Variants in MITF observed in about 807,000 individuals in gnomAD.
MITF encodes the protein melanocyte inducing transcription factor.
MITF carries 17 observed loss-of-function variants against 60.5 expected under a neutral mutation model. The ratio of observed to expected loss-of-function variants is 0.28; its 90% CI spans 0.19 to 0.42. The LOEUF (loss-of-function observed/expected upper bound fraction) is 0.42. MITF is among the 10% of genes least tolerant of loss of function. MITF has a pLI of 1.00. For missense variants in MITF, 622 were observed against 683.5 expected, an observed-to-expected ratio of 0.91 and a Z score of 1.00; for synonymous variants, 260 against 248.5, an observed-to-expected ratio of 1.05 and a Z score of -0.43.
intron 1 of MITF, among the ~76,000 whole-genome samples, chr3:69,847,163 T>G (rs191748458): frequency 9.2e-5 from 14 of 152,234 alleles, no homozygotes; most frequent in Admixed American, 7.8e-4. Flanking sequence ...AGTGCAAGGA[T>G]TGTGTCTTAG....
intron 5 of MITF, among the ~76,000 whole-genome samples, chr3:69,944,830 T>A (rs756599211): frequency 3.9e-5 from 6 of 152,166 alleles, no homozygotes; most frequent in Non-Finnish European, 7.4e-5. Flanking sequence ...GCTCTTATTC[T>A]TGATGAACTT....
At chr3:69,935,921 T>G (rs1235032981) in intron 2 of MITF, among the ~76,000 whole-genome samples, 1 of 152,206 alleles carries the variant, frequency 6.6e-6, no homozygotes, top group African/African-American at 2.4e-5. Context: ...GAATAATATG[T>G]AAAAATTCTC....
chr3:69,771,349 G>C (rs900483748), intron 1 of MITF, among the ~76,000 whole-genome samples: 1 of 151,854 alleles, frequency 6.6e-6, no homozygotes, highest in Non-Finnish European at 1.5e-5. Context: ...CTTGTCAGGC[G>C]CTCTGACTTT....
At chr3:69,805,467 T>C (rs2062989672) in intron 1 of MITF, among the ~76,000 whole-genome samples, 1 of 41,870 alleles carries the variant, frequency 2.4e-5, no homozygotes, top group Admixed American at 2.0e-4. Context: ...GTTTCTTGGG[T>C]TTTTTTGCAG....
At chr3:69,741,387 C>T (rs1439659268) in intron 1 of MITF, among the ~76,000 whole-genome samples, 2 of 152,094 alleles carry the variant, frequency 1.3e-5, no homozygotes, top group East Asian at 3.9e-4. Context: ...ATTAACCGGA[C>T]TGTTTGGAAC....
intron 8 of MITF, among the ~76,000 whole-genome samples, 193 bp from the exon 9 acceptor site, chr3:69,959,080 G>T (rs1277415301): frequency 6.6e-6 from 1 of 151,990 alleles, no homozygotes; most frequent in Non-Finnish European, 1.5e-5. Flanking sequence ...GGCTTGGGTG[G>T]TGGGTGTACC....
chr3:69,762,261 G>A (rs1276878320), intron 1 of MITF, among the ~76,000 whole-genome samples: 1 of 152,092 alleles, frequency 6.6e-6, no homozygotes, highest in Non-Finnish European at 1.5e-5. Flanking sequence ...ATATTTAGTG[G>A]GTTCTATCAG....
chr3:69,959,273 A>G lies in MITF; in HGVS notation c.1032A>G (p.Pro344=), dbSNP rs1486081167. 3 of 1,613,970 alleles carry G rather than the reference A, an allele frequency of 1.9e-6. No homozygotes were observed. The Admixed American group carries it at 5.0e-5, about 27-fold the overall frequency. Residue 344 remains proline (P), a splice_region_variant and synonymous_variant, in exon 9 of 10, where the codon CCA becomes CCG. Transcript: ENST00000352241. The part of the protein sequence containing the change: ...LGTLIPKSND[P]DMRWNKGTIL... ...CTGTTTTCCTCCATTTTCATCGCAG[A>G]GACATGCGCTGGAACAAGGGAACCA...
intron 1 of MITF, among the ~76,000 whole-genome samples, chr3:69,824,732 G>A (rs1417346405): frequency 1.3e-5 from 2 of 152,176 alleles, no homozygotes. Flanking sequence ...CCCCTGCAGT[G>A]CATAGTGGCC....
rs114888054 is a variant in MITF, at chr3:69,742,427, C to T, written c.104+2726C>T. Among the ~76,000 whole-genome samples the T allele has an allele frequency of 8.1e-3, 1,237 of 152,254 alleles. 14 individuals are homozygous for T. The highest frequency in any genetic ancestry group is 0.028 in the African/African-American group (1,180 of 41,552). On this transcript the variant is annotated intron_variant, in intron 1 of 9. Coordinates refer to ENST00000352241, the MANE Select transcript of MITF (RefSeq NM_001354604.2). Reference sequence around the variant, plus strand: ...AAGTCAGATCCTGTCATTCTCTGCCCAGAACCTGCCCATGGCTCCTAATTT... The same window carrying T: ...AAGTCAGATCCTGTCATTCTCTGCCTAGAACCTGCCCATGGCTCCTAATTT...
intron 1 of MITF, among the ~76,000 whole-genome samples, chr3:69,795,257 A>G (rs914898741): frequency 7.9e-5 from 12 of 152,312 alleles, no homozygotes; most frequent in African/African-American, 2.4e-4. Flanking sequence ...GCAAACTAGT[A>G]TATTTTAATA....
At chr3:69,963,347 T>C (rs976521149) in intron 9 of MITF, among the ~76,000 whole-genome samples, 1 of 152,188 alleles carries the variant, frequency 6.6e-6, no homozygotes, top group African/African-American at 2.4e-5. Context: ...GGCATAGAAC[T>C]TTCACAGCTT....
chr3:69,917,980 A>G (rs2065375312), intron 2 of MITF, among the ~76,000 whole-genome samples: 1 of 152,096 alleles, frequency 6.6e-6, no homozygotes, highest in Non-Finnish European at 1.5e-5. Flanking sequence ...TTTTCTCAGC[A>G]TGGGATTGTT....
At chr3:69,856,850 GTTTC>G (rs1203811889) in intron 1 of MITF, among the ~76,000 whole-genome samples, 3 of 151,762 alleles carry the variant, frequency 2.0e-5, no homozygotes, top group East Asian at 3.9e-4. Flanking sequence ...GACAAACATT[GTTTC>G]TTTCTAGTAA....
chr3:69,902,152 T>C (rs945299119), intron 2 of MITF, among the ~76,000 whole-genome samples: 1 of 152,228 alleles, frequency 6.6e-6, no homozygotes, highest in Admixed American at 6.5e-5. Context: ...ACTTTTTATA[T>C]GTGAGTCATA....
intron 1 of MITF, among the ~76,000 whole-genome samples, chr3:69,760,504 A>T (rs1248083616): frequency 6.6e-6 from 1 of 152,200 alleles, no homozygotes; most frequent in Non-Finnish European, 1.5e-5. Flanking sequence ...GACTGGCAGT[A>T]TTTATACCCA....
intron 2 of MITF, among the ~76,000 whole-genome samples, chr3:69,917,232 CTT>C: frequency 1.3e-5 from 2 of 152,190 alleles, no homozygotes; most frequent in East Asian, 3.9e-4. Flanking sequence ...CGAAAAGTCT[CTT>C]TTGTGCATAT....
chr3:69,910,593 T>C (rs1343626996), intron 2 of MITF, among the ~76,000 whole-genome samples: 1 of 152,188 alleles, frequency 6.6e-6, no homozygotes, highest in South Asian at 2.1e-4. Context: ...CCCAAGACCA[T>C]AGGAACCCAC....
At chr3:69,868,204 G>A (rs2064153173) in intron 1 of MITF, among the ~76,000 whole-genome samples, 1 of 152,176 alleles carries the variant, frequency 6.6e-6, no homozygotes, top group Admixed American at 6.5e-5. Flanking sequence ...ACTATGCTAA[G>A]TATTGTGCTT....
Sources: gnomAD v4.1 joint callset for allele counts (sites outside exome capture counted in the v4.1 genomes callset) on GRCh38, gnomAD v4.1.1 for gene constraint, MANE v1.5 for transcripts, NCBI Gene and HGNC (gene_info 2026-07-23, HGNC 2026-07-21) for gene names.